Variants in MAPK10 observed in about 807,000 individuals in gnomAD.
MAPK10 encodes the protein mitogen-activated protein kinase 10, also known as JNK3 alpha protein kinase.
A neutral mutation model predicts 59.3 loss-of-function variants in MAPK10; 25 were observed. The ratio of observed to expected loss-of-function variants is 0.42; its 90% CI spans 0.31 to 0.59. The LOEUF (loss-of-function observed/expected upper bound fraction) is 0.59. MAPK10 is among the 20% of genes least tolerant of loss of function. MAPK10 has a pLI of 0.15. For synonymous variants in MAPK10, 190 were observed against 200.5 expected (o/e 0.95, Z 0.44); for missense variants, 351 against 568.9 (o/e 0.62, Z 3.90).
At chr4:86,390,226 G>A (rs1294883436) in intron 1 of MAPK10, among the ~76,000 whole-genome samples, 1 of 152,094 alleles carries the variant, frequency 6.6e-6, no homozygotes. Flanking sequence ...CAGGTAGATT[G>A]TATTTCTATG....
intron 3 of MAPK10, 180 bp downstream of exon 3, chr4:86,194,156 C>A: frequency 1.7e-6 from 1 of 591,146 alleles, no homozygotes; most frequent in East Asian, 2.8e-5. Context: ...CTGCGTTGAT[C>A]TTGCTGGGAG....
At chr4:86,219,632 A>T (rs2088909529) in intron 2 of MAPK10, 1 of 152,156 alleles carries the variant, frequency 6.6e-6, no homozygotes. Flanking sequence ...AAAGGCTGTC[A>T]AGTAACACTT....
chr4:86,218,568 C>CAAAAAAAAAA (rs11330422), intron 2 of MAPK10, among the ~76,000 whole-genome samples: 1 of 95,450 alleles, frequency 1.0e-5, no homozygotes. Context: ...AAGACTTAAG[C>CAAAAAAAAAA]AAAAAAAAAA....
At chr4:86,235,951 A>G (rs1252591562) in intron 2 of MAPK10, among the ~76,000 whole-genome samples, 1 of 152,190 alleles carries the variant, frequency 6.6e-6, no homozygotes, top group Non-Finnish European at 1.5e-5. Flanking sequence ...TCACTGGGCT[A>G]AAGTCAAGGG....
At chr4:86,447,199 T>C (rs1479648375) in intron 1 of MAPK10, among the ~76,000 whole-genome samples, 1 of 152,074 alleles carries the variant, frequency 6.6e-6, no homozygotes, top group Non-Finnish European at 1.5e-5. Context: ...CCCATGCTGT[T>C]CTTGTGATCG....
At chr4:86,417,379 C>T (rs1745990272) in intron 1 of MAPK10, among the ~76,000 whole-genome samples, 2 of 152,054 alleles carry the variant, frequency 1.3e-5, no homozygotes, top group Admixed American at 1.3e-4. Flanking sequence ...TTCTCCTTGG[C>T]AGTTTGTGTG....
intron 9 of MAPK10, among the ~76,000 whole-genome samples, chr4:86,086,544 G>GAAAAATT (rs1157777683): frequency 6.6e-6 from 1 of 151,792 alleles, no homozygotes; most frequent in African/African-American, 2.4e-5. Context: ...TATGTACCCA[G>GAAAAATT]AAAAATTAAA....
intron 2 of MAPK10, among the ~76,000 whole-genome samples, chr4:86,266,759 G>C (rs975886231): frequency 1.3e-5 from 2 of 152,076 alleles, no homozygotes; most frequent in Non-Finnish European, 2.9e-5. Context: ...ATCCTCTTAA[G>C]CTTTGAATTT....
chr4:86,339,725 T>C (rs542611899), intron 2 of MAPK10, among the ~76,000 whole-genome samples: 6 of 152,336 alleles, frequency 3.9e-5, no homozygotes, highest in African/African-American at 1.4e-4. Flanking sequence ...TCTTTGGAGA[T>C]ATTGTGAGGA....
intron 1 of MAPK10, among the ~76,000 whole-genome samples, chr4:86,550,904 G>T (rs2149099888): frequency 6.6e-6 from 1 of 152,328 alleles, no homozygotes; most frequent in African/African-American, 2.4e-5. Context: ...GGCAGGGGAA[G>T]AATAGGCTGG....
chr4:86,502,887 C>A (rs1046743265), intron 1 of MAPK10, among the ~76,000 whole-genome samples: 1 of 151,994 alleles, frequency 6.6e-6, no homozygotes, highest in African/African-American at 2.4e-5. Context: ...ACAAAAATAA[C>A]AGACTTTTTT....
chr4:86,583,231 G>T (rs1438044538), intron 1 of MAPK10, among the ~76,000 whole-genome samples: 1 of 151,912 alleles, frequency 6.6e-6, no homozygotes, highest in Non-Finnish European at 1.5e-5. Flanking sequence ...CACTGTATCA[G>T]CCAGGATGGT....
At chr4:86,546,266 G>A (rs1565017873) in intron 1 of MAPK10, among the ~76,000 whole-genome samples, 1 of 151,916 alleles carries the variant, frequency 6.6e-6, no homozygotes, top group Admixed American at 6.6e-5. Context: ...TCAAGATGGC[G>A]GCTGGGTGCG....
At chr4:86,457,612 G>T (rs1182369232), upstream of MAPK10, among the ~76,000 whole-genome samples, 1 of 152,060 alleles carries the variant, frequency 6.6e-6, no homozygotes, top group Non-Finnish European at 1.5e-5. Flanking sequence ...GGAGGTAAAA[G>T]ACCTCTACAA....
chr4:86,418,124 G>A (rs1005925036), intron 1 of MAPK10, among the ~76,000 whole-genome samples: 5 of 152,112 alleles, frequency 3.3e-5, no homozygotes, highest in Admixed American at 2.0e-4. Context: ...GTACACACTC[G>A]GTAAATGTCA....
At chr4:86,132,492 T>A (rs2061185970) in intron 4 of MAPK10, among the ~76,000 whole-genome samples, 1 of 152,226 alleles carries the variant, frequency 6.6e-6, no homozygotes, top group Admixed American at 6.5e-5. Context: ...ATTTTTGTCA[T>A]GAAGTCAACA....
intron 2 of MAPK10, among the ~76,000 whole-genome samples, chr4:86,293,812 T>C (rs2095288943): frequency 6.6e-6 from 1 of 152,066 alleles, no homozygotes; most frequent in Admixed American, 6.5e-5. Context: ...TCACTCACTA[T>C]CAAGAGGACA....
At chr4:86,571,325 TAC>T (rs1761431840) in intron 1 of MAPK10, among the ~76,000 whole-genome samples, 1 of 131,252 alleles carries the variant, frequency 7.6e-6, no homozygotes, top group Non-Finnish European at 1.6e-5. Context: ...GATATATATA[TAC>T]GTGTGTGTGT....
At chr4:86,305,990 T>C (rs1173041430) in intron 2 of MAPK10, among the ~76,000 whole-genome samples, 1 of 152,180 alleles carries the variant, frequency 6.6e-6, no homozygotes, top group African/African-American at 2.4e-5. Flanking sequence ...TTGTTTGATA[T>C]TATTGGGACT....
Sources: allele counts gnomAD v4.1 joint callset (sites outside exome capture counted in the v4.1 genomes callset), GRCh38; gene constraint gnomAD v4.1.1; transcripts MANE v1.5; gene names NCBI Gene and HGNC (gene_info 2026-07-23, HGNC 2026-07-21).